GNL3L: variants seen among roughly 807,000 people sequenced by gnomAD.
The protein encoded by GNL3L is guanine nucleotide-binding protein-like 3-like protein.
GNL3L carries 4 observed loss-of-function variants against 42.9 expected under a neutral mutation model. The observed-to-expected ratio is 0.09, with a 90% confidence interval of 0.05 to 0.21. The LOEUF is 0.21. GNL3L is among the 10% of genes least tolerant of loss of function. The pLI is 1.00. For synonymous variants in GNL3L, 159 were observed against 176.3 expected, an observed-to-expected ratio of 0.90 and a Z score of 0.78; for missense variants, 412 against 481.7, an observed-to-expected ratio of 0.86 and a Z score of 1.36.
intron 16 of GNL3L, among the ~76,000 whole-genome samples, chrX:54,607,061 T>TTCCTTCCTTCC (rs1926089288): frequency 2.1e-5 from 1 of 48,429 alleles, no homozygotes; most frequent in African/African-American, 1.1e-4. Flanking sequence ...TCTTTCTTTC[T>TTCCTTCCTTCC]TTCTTTCTTT....
At chrX:54,553,638 C>T (rs1925006049) in intron 13 of GNL3L, among the ~76,000 whole-genome samples, 1 of 111,054 alleles carries the variant, frequency 9.0e-6, no homozygotes, top group Admixed American at 9.7e-5. Context: ...CTCCTGGGGT[C>T]GAGTGATTCT....
At chrX:54,550,644 C>T (rs1047852779) in intron 9 of GNL3L, among the ~76,000 whole-genome samples, 21 of 111,751 alleles carry the variant, frequency 1.9e-4, no homozygotes, top group African/African-American at 6.2e-4. Context: ...AGACATTTCT[C>T]GATGTCCACC....
At chrX:54,595,843 T>G (rs1350773561) in intron 16 of GNL3L, among the ~76,000 whole-genome samples, 1 of 112,503 alleles carries the variant, frequency 8.9e-6, no homozygotes, top group African/African-American at 3.2e-5. Context: ...AATATGCCAC[T>G]TGGATTTTTC....
At chrX:54,597,588 G>A (rs1454089117) in intron 16 of GNL3L, among the ~76,000 whole-genome samples, 2 of 110,804 alleles carry the variant, frequency 1.8e-5, no homozygotes, top group African/African-American at 3.3e-5. Flanking sequence ...CCCCAATCCC[G>A]TGGCCTTGGG....
intron 16 of GNL3L, among the ~76,000 whole-genome samples, chrX:54,589,698 T>C (rs1925840768): frequency 8.9e-6 from 1 of 111,831 alleles, no homozygotes; most frequent in African/African-American, 3.2e-5. Context: ...CCAACAAACA[T>C]AGGAGTGCAG....
intron 3 of GNL3L, 30 bp from the exon 4 acceptor site, chrX:54,540,105 T>C (rs1341671960): frequency 3.0e-6 from 3 of 992,887 alleles, no homozygotes; most frequent in Non-Finnish European, 4.3e-6. Context: ...GTTCATTACC[T>C]CTGTTTTTTT....
chrX:54,575,445 T>A (rs905447433), intron 16 of GNL3L, among the ~76,000 whole-genome samples: 3 of 112,504 alleles, frequency 2.7e-5, no homozygotes, highest in Non-Finnish European at 5.6e-5. Context: ...TAAAATGTAT[T>A]AATAAGGCCG....
chrX:54,559,772 T>C (rs774170366), intron 15 of GNL3L, among the ~76,000 whole-genome samples: 1 of 111,857 alleles, frequency 8.9e-6, no homozygotes, highest in Non-Finnish European at 1.9e-5. Context: ...ATACAGACTT[T>C]GGGTTGATTG....
At chrX:54,613,662 G>T (rs1051844271) in intron 16 of GNL3L, among the ~76,000 whole-genome samples, 1 of 110,975 alleles carries the variant, frequency 9.0e-6, no homozygotes, top group Non-Finnish European at 1.9e-5. Context: ...TCGAAATGCA[G>T]TGATTGTTGT....
At chrX:54,638,539 C>T in the GNL3L span, among the ~76,000 whole-genome samples, 10 of 110,771 alleles carry the variant, frequency 9.0e-5, no homozygotes, top group Admixed American at 5.7e-4. Context: ...GCGCAATCTC[C>T]GGCCCACTGC....
intron 8 of GNL3L, among the ~76,000 whole-genome samples, chrX:54,546,880 A>G (rs1424500758): frequency 9.0e-6 from 1 of 110,949 alleles, no homozygotes; most frequent in Non-Finnish European, 1.9e-5. Context: ...TCCTGACCTC[A>G]AGTGATCCAC....
rs1051089092 is a variant in GNL3L at position 54,542,845 on chromosome X, C to T, written c.307-110C>T. ...GTTTTGATTTGCATTTCTCTGATGG[C>T]CAGGACTCACATGATTTTTTAAGCC... is the stretch of plus-strand genomic sequence containing the variant. On this transcript the variant is annotated intron_variant, in intron 5 of 15. Coordinates refer to ENST00000360845, the MANE Select transcript of GNL3L (RefSeq NM_001184819.2). 4.0e-5 allele frequency: 19 copies of T among 469,654 alleles called. No homozygotes were observed. In the East Asian group the frequency reaches 7.1e-4, roughly 18 times the overall value. The allele number at this position is 469,654 out of a possible 1,213,427, so 38.7% of individuals were successfully genotyped here.
At chrX:54,588,269 A>G (rs1047043505) in intron 16 of GNL3L, among the ~76,000 whole-genome samples, 1 of 111,956 alleles carries the variant, frequency 8.9e-6, no homozygotes, top group African/African-American at 3.2e-5. Context: ...GTATGAGAAG[A>G]CATCTTTGCT....
the GNL3L span, among the ~76,000 whole-genome samples, chrX:54,627,245 G>A: frequency 4.2e-3 from 469 of 111,916 alleles, 3 homozygotes; most frequent in African/African-American, 0.014. Context: ...CTGACCTCAA[G>A]TGATCCGTCC....
downstream of GNL3L, among the ~76,000 whole-genome samples, chrX:54,623,560 G>C (rs749357047): frequency 1.7e-4 from 19 of 111,986 alleles, no homozygotes; most frequent in Admixed American, 6.6e-4. Context: ...ACTGTGCCTG[G>C]CCAGGTGTTG....
At chrX:54,628,212 GGTGTGT>G in the GNL3L span, among the ~76,000 whole-genome samples, 1,003 of 95,762 alleles carry the variant, frequency 0.01, 10 homozygotes, top group African/African-American at 0.035. Context: ...AGTATTCCGT[GGTGTGT>G]GTGTGTGTGT....
At position 54,562,966 on chromosome X, in the gene GNL3L, T is replaced by C. The variant is rs1925315588; in HGVS notation, c.*2364T>C. Among the ~76,000 whole-genome samples, 1 of 111,354 alleles carries C rather than the reference T, an allele frequency of 9.0e-6. No individual in the cohort carries two copies. On this transcript the variant is annotated 3_prime_UTR_variant, in exon 16 of 16. Coordinates refer to ENST00000360845, the MANE Select transcript of GNL3L (RefSeq NM_001184819.2). ...TAAGCCCCTACTTTGTGCCAGTCTC[T>C]GTTATCAAGTCCGTTAAATGCATTT...
the GNL3L span, among the ~76,000 whole-genome samples, chrX:54,627,181 G>A: frequency 9.0e-6 from 1 of 110,500 alleles, no homozygotes; most frequent in Non-Finnish European, 1.9e-5. Context: ...GCTAATTTTT[G>A]TATTTTTAGT....
chrX:54,599,689 T>G (rs1925979466), intron 16 of GNL3L, among the ~76,000 whole-genome samples: 1 of 111,017 alleles, frequency 9.0e-6, no homozygotes, highest in South Asian at 3.8e-4. Context: ...ACATTAATGT[T>G]ATATATTATT....
Sources: allele counts gnomAD v4.1 joint callset (sites outside exome capture counted in the v4.1 genomes callset), GRCh38; gene constraint gnomAD v4.1.1; transcripts MANE v1.5; gene names NCBI Gene and HGNC (gene_info 2026-07-23, HGNC 2026-07-21).